The following ETV6 variants were observed in gnomAD, a reference collection of about 807,000 sequenced individuals.
ETV6 encodes the protein transcription factor ETV6.
A neutral mutation model predicts 51.1 loss-of-function variants in ETV6; 16 were observed. The ratio of observed to expected loss-of-function variants is 0.31; its 90% CI spans 0.21 to 0.48. The LOEUF (loss-of-function observed/expected upper bound fraction) is 0.48, where lower values mean the gene tolerates loss of function less well. Ranked by LOEUF, ETV6 falls within the 20% of genes least tolerant of loss-of-function variation. The pLI, the probability that ETV6 is intolerant of heterozygous loss-of-function variation, is 0.99. For synonymous variants in ETV6, 240 were observed against 224.1 expected, an observed-to-expected ratio of 1.07 and a Z score of -0.64; for missense variants, 458 against 594.8, an observed-to-expected ratio of 0.77 and a Z score of 2.39.
chr12:11,651,621 A>G (rs575671554), intron 1 of ETV6, among the ~76,000 whole-genome samples: 1 of 152,218 alleles, frequency 6.6e-6, no homozygotes, highest in Non-Finnish European at 1.5e-5. Flanking sequence ...GTACTTTGAT[A>G]TTAATACTTC....
intron 1 of ETV6, among the ~76,000 whole-genome samples, chr12:11,696,047 C>T (rs112533673): frequency 0.019 from 2,892 of 151,712 alleles, 99 homozygotes; most frequent in African/African-American, 0.067. Context: ...GAAACTTTTT[C>T]CTCTAAATAA....
At chr12:11,720,799 G>A (rs1865369748) in intron 1 of ETV6, among the ~76,000 whole-genome samples, 1 of 152,052 alleles carries the variant, frequency 6.6e-6, no homozygotes, top group African/African-American at 2.4e-5. Flanking sequence ...CTACCGAATG[G>A]GAGAAAATAT....
At chr12:11,765,719 G>GAA (rs550169714) in intron 2 of ETV6, among the ~76,000 whole-genome samples, 57 of 147,796 alleles carry the variant, frequency 3.9e-4, no homozygotes, top group African/African-American at 1.1e-3. Context: ...CGTGCATGGG[G>GAA]AAAAAAAAAA....
At chr12:11,773,937 C>T (rs2136356306) in intron 2 of ETV6, among the ~76,000 whole-genome samples, 1 of 152,320 alleles carries the variant, frequency 6.6e-6, no homozygotes, top group East Asian at 1.9e-4. Context: ...CGCTGGCTGG[C>T]ATCTGCCCTC....
chr12:11,704,360 T>C (rs954612569), intron 1 of ETV6, among the ~76,000 whole-genome samples: 1 of 152,110 alleles, frequency 6.6e-6, no homozygotes, highest in African/African-American at 2.4e-5. Flanking sequence ...CCTTTTTTTC[T>C]TTTTTTGACA....
chr12:11,707,193 GA>G lies in ETV6; in HGVS notation c.34-45256del, dbSNP rs1204736580. 2.0e-5 allele frequency among the ~76,000 whole-genome samples: 3 copies of G among 152,104 alleles called. No individual in the cohort carries two copies. In the East Asian group the frequency reaches 5.8e-4, roughly 29 times the overall value. ...AAGAGCAGCTGTGTAAAGGAGGCTA[GA>G]CGTGAAAAAAACGTGTTGGAGAGGA... is the stretch of plus-strand genomic sequence containing the variant. On this transcript the variant is annotated intron_variant, in intron 1 of 7. Transcript: ENST00000396373.
At chr12:11,839,114 T>C (rs150030040) in intron 2 of ETV6, 26 bp from the exon 3 acceptor site, 150 of 1,602,058 alleles carry the variant, frequency 9.4e-5, no homozygotes, top group Middle Eastern at 3.3e-4. Flanking sequence ...TCTCTCTTTC[T>C]TTCTGCCTCA....
chr12:11,850,626 G>C (rs1458552300), intron 3 of ETV6, among the ~76,000 whole-genome samples: 1 of 152,232 alleles, frequency 6.6e-6, no homozygotes, highest in Admixed American at 6.5e-5. Flanking sequence ...CTCACGCCAT[G>C]ATGAGCTTGT....
chr12:11,894,339 A>G lies in ETV6; in HGVS notation c.*3293A>G, dbSNP rs1251228643. On this transcript the variant is annotated 3_prime_UTR_variant, in exon 8 of 8. Coordinates refer to ENST00000396373, the MANE Select transcript of ETV6 (RefSeq NM_001987.5). Reference sequence around the variant, plus strand: ...AGTTCTCATTCCTACATCTCAAGCTAGCCAGGCAGTCTCCTCTCTATCAGA... The same window carrying G: ...AGTTCTCATTCCTACATCTCAAGCTGGCCAGGCAGTCTCCTCTCTATCAGA... 4.3e-6 allele frequency: 1 copy of G among 232,936 alleles called. No homozygotes were observed. Among genetic ancestry groups the G allele is most frequent in the Non-Finnish European group, 8.5e-6 (1 of 117,934 alleles). The allele number at this position is 232,936 out of a possible 1,614,324, so 14.4% of individuals were successfully genotyped here.
At chr12:11,885,869 G>C in intron 6 of ETV6, 57 bp from the exon 7 acceptor site, 1 of 1,312,296 alleles carries the variant, frequency 7.6e-7, no homozygotes, top group Middle Eastern at 1.8e-4. Flanking sequence ...CCTTTTCTGA[G>C]GTTCATTTCA....
At chr12:11,856,353 TAGCTCTGCTTCAGACCC>T (rs1344117116) in intron 4 of ETV6, among the ~76,000 whole-genome samples, 1 of 152,214 alleles carries the variant, frequency 6.6e-6, no homozygotes, top group African/African-American at 2.4e-5. Context: ...GCAGACCAGT[TAGCTCTGCTTCAGACCC>T]AGCTCTTAAA....
intron 2 of ETV6, among the ~76,000 whole-genome samples, chr12:11,816,665 G>A (rs55674526): frequency 0.18 from 27,743 of 152,108 alleles, 2,725 homozygotes; most frequent in Middle Eastern, 0.23. Flanking sequence ...ACTTGGAATT[G>A]GAAATCTGCC....
At chr12:11,790,989 A>G (rs1043319224) in intron 2 of ETV6, among the ~76,000 whole-genome samples, 1 of 152,106 alleles carries the variant, frequency 6.6e-6, no homozygotes, top group Non-Finnish European at 1.5e-5. Context: ...CCAGAGCTTA[A>G]GCTTCTAATC....
At chr12:11,730,152 T>C (rs768989921) in intron 1 of ETV6, among the ~76,000 whole-genome samples, 2 of 152,174 alleles carry the variant, frequency 1.3e-5, no homozygotes, top group Non-Finnish European at 2.9e-5. Flanking sequence ...TCTGACCTTA[T>C]ATTTGACAAC....
chr12:11,799,385 A>G (rs903771030), intron 2 of ETV6, among the ~76,000 whole-genome samples: 2 of 152,176 alleles, frequency 1.3e-5, no homozygotes, highest in Non-Finnish European at 2.9e-5. Context: ...ATAAGCACAC[A>G]TGAAGTGTCC....
At chr12:11,775,104 C>T (rs1339944874) in intron 2 of ETV6, among the ~76,000 whole-genome samples, 1 of 152,196 alleles carries the variant, frequency 6.6e-6, no homozygotes, top group East Asian at 1.9e-4. Flanking sequence ...AGCTTTGAAC[C>T]AGTGATGAGT....
intron 1 of ETV6, among the ~76,000 whole-genome samples, chr12:11,709,675 G>A (rs1260271740): frequency 1.3e-5 from 2 of 152,230 alleles, no homozygotes; most frequent in South Asian, 2.1e-4. Flanking sequence ...TTATGGATGA[G>A]ACTAATATTT....
intron 1 of ETV6, among the ~76,000 whole-genome samples, chr12:11,724,811 C>A (rs1682372798): frequency 6.6e-6 from 1 of 152,284 alleles, no homozygotes; most frequent in South Asian, 2.1e-4. Flanking sequence ...TTGCACGAGA[C>A]CCTTGCAGGT....
chr12:11,836,218 A>G (rs1946313461), intron 2 of ETV6, among the ~76,000 whole-genome samples: 1 of 152,164 alleles, frequency 6.6e-6, no homozygotes, highest in East Asian at 1.9e-4. Flanking sequence ...TTTTTATTCT[A>G]TTGAATTACA....
Sources: gnomAD v4.1 joint callset for allele counts (sites outside exome capture counted in the v4.1 genomes callset) on GRCh38, gnomAD v4.1.1 for gene constraint, MANE v1.5 for transcripts, NCBI Gene and HGNC (gene_info 2026-07-23, HGNC 2026-07-21) for gene names.